GLIS3: variants seen among roughly 807,000 people sequenced by gnomAD.
GLIS3 encodes zinc finger protein GLIS3.
GLIS3 carries 53 observed loss-of-function variants against 78.6 expected under a neutral mutation model. The observed-to-expected ratio is 0.67, with a 90% CI of 0.54 to 0.85. The LOEUF (loss-of-function observed/expected upper bound fraction) is 0.85, where lower values mean the gene tolerates loss of function less well. Among genes scored for constraint, GLIS3 ranks in the 40% least tolerant of loss-of-function variants. GLIS3 has a pLI of 0.00. For synonymous variants in GLIS3, 684 were observed against 509.9 expected, an observed-to-expected ratio of 1.34 and a Z score of -4.60; for missense variants, 1,703 against 1,231.1, an observed-to-expected ratio of 1.38 and a Z score of -5.74.
At chr9:4,480,510 A>G in the GLIS3 span, among the ~76,000 whole-genome samples, 6 of 152,064 alleles carry the variant, frequency 3.9e-5, no homozygotes, top group Non-Finnish European at 8.8e-5. Flanking sequence ...CAAGCTTTAG[A>G]TATTCTAATG....
At chr9:4,089,760 G>A (rs1267856017) in intron 4 of GLIS3, among the ~76,000 whole-genome samples, 3 of 152,052 alleles carry the variant, frequency 2.0e-5, no homozygotes, top group Non-Finnish European at 2.9e-5. Flanking sequence ...TTGAGGCTAT[G>A]GTGAGCTACG....
intron 4 of GLIS3, among the ~76,000 whole-genome samples, chr9:4,085,824 T>C (rs1281439416): frequency 2.0e-5 from 3 of 152,176 alleles, no homozygotes; most frequent in Non-Finnish European, 4.4e-5. Flanking sequence ...TGTCGCCTGC[T>C]TCCCCTTCCG....
At chr9:4,039,111 C>T (rs980113323) in intron 4 of GLIS3, among the ~76,000 whole-genome samples, 5 of 152,150 alleles carry the variant, frequency 3.3e-5, no homozygotes, top group African/African-American at 1.2e-4. Flanking sequence ...TAATCCTGCC[C>T]TTTGGGAACA....
chr9:4,023,234 T>C (rs992235710), intron 4 of GLIS3, among the ~76,000 whole-genome samples: 3 of 152,208 alleles, frequency 2.0e-5, no homozygotes, highest in African/African-American at 2.4e-5. Context: ...ATTATCTGTT[T>C]TAGATTCTAA....
intron 8 of GLIS3, among the ~76,000 whole-genome samples, chr9:3,860,271 T>TAAAAAAAAAAAAAAAAAAAAAAAAAA (rs1820103435): frequency 6.6e-5 from 1 of 15,170 alleles, no homozygotes; most frequent in Non-Finnish European, 1.0e-4. Context: ...CAAGACTCTG[T>TAAAAAAAAAAAAAAAAAAAAAAAAAA]CAAAAAAAAA....
At chr9:4,295,711 T>C (rs1816419933) in intron 1 of GLIS3, among the ~76,000 whole-genome samples, 1 of 152,202 alleles carries the variant, frequency 6.6e-6, no homozygotes, top group African/African-American at 2.4e-5. Flanking sequence ...TGTGGGTGTG[T>C]TCCACTTGCA....
the GLIS3 span, among the ~76,000 whole-genome samples, chr9:4,433,049 T>G: frequency 1.1e-4 from 17 of 152,312 alleles, 1 homozygote; most frequent in South Asian, 3.5e-3. Flanking sequence ...CTTACCTATC[T>G]GCAAAGGAGA....
intron 2 of GLIS3, among the ~76,000 whole-genome samples, chr9:4,324,760 T>C (rs1210906491): frequency 6.6e-6 from 1 of 152,236 alleles, no homozygotes; most frequent in Non-Finnish European, 1.5e-5. Context: ...ATTTGCTTTG[T>C]ACCATTTTCT....
intron 2 of GLIS3, among the ~76,000 whole-genome samples, chr9:4,149,806 G>A (rs891939760): frequency 2.6e-5 from 4 of 152,142 alleles, no homozygotes; most frequent in African/African-American, 7.2e-5. Context: ...ATAATGTCTG[G>A]TAAAATAAGG....
At chr9:4,269,905 C>T (rs564201399) in intron 2 of GLIS3, among the ~76,000 whole-genome samples, 2 of 149,534 alleles carry the variant, frequency 1.3e-5, no homozygotes, top group Admixed American at 6.6e-5. Flanking sequence ...CAAGCCCAAA[C>T]AGAGTACCTA....
the GLIS3 span, among the ~76,000 whole-genome samples, chr9:4,364,265 T>C: frequency 6.6e-6 from 1 of 152,202 alleles, no homozygotes; most frequent in Non-Finnish European, 1.5e-5. Flanking sequence ...AGACCTTTGG[T>C]CATCTCTTTG....
chr9:4,052,555 T>G (rs551465430), intron 4 of GLIS3, among the ~76,000 whole-genome samples: 1 of 152,342 alleles, frequency 6.6e-6, no homozygotes, highest in African/African-American at 2.4e-5. Context: ...ATTTACCTCT[T>G]CTGGACATGT....
chr9:4,476,867 G>A, the GLIS3 span, among the ~76,000 whole-genome samples: 91 of 152,212 alleles, frequency 6.0e-4, no homozygotes, highest in Admixed American at 1.5e-3. Flanking sequence ...ATCTCTGTTA[G>A]AATAGCTGTT....
chr9:4,287,224 C>T (rs192607609), intron 1 of GLIS3, among the ~76,000 whole-genome samples: 15 of 152,284 alleles, frequency 9.9e-5, no homozygotes, highest in Admixed American at 2.0e-4. Context: ...AAGAGAAGGG[C>T]TGTGCAAAAC....
chr9:4,269,148 G>A (rs1826277785), intron 2 of GLIS3, among the ~76,000 whole-genome samples: 1 of 152,140 alleles, frequency 6.6e-6, no homozygotes, highest in South Asian at 2.1e-4. Context: ...TCCTTCATGT[G>A]AAACATGTTA....
intron 4 of GLIS3, among the ~76,000 whole-genome samples, chr9:4,096,085 A>G (rs747208719): frequency 4.6e-5 from 7 of 152,138 alleles, no homozygotes; most frequent in Non-Finnish European, 7.4e-5. Flanking sequence ...GAAGAGAGAT[A>G]TATTTTTAAA....
At chr9:4,452,768 C>T in the GLIS3 span, among the ~76,000 whole-genome samples, 1,021 of 152,274 alleles carry the variant, frequency 6.7e-3, 9 homozygotes, top group Non-Finnish European at 9.4e-3. Flanking sequence ...AGATTCAATG[C>T]TATCCCCATC....
intron 2 of GLIS3, among the ~76,000 whole-genome samples, chr9:4,188,257 T>A (rs1253288297): frequency 1.3e-5 from 2 of 151,548 alleles, no homozygotes; most frequent in Non-Finnish European, 2.9e-5. Context: ...GAGATAATCA[T>A]GTGGTTTTTG....
chr9:4,097,477 C>G (rs1830048723), intron 4 of GLIS3, among the ~76,000 whole-genome samples: 1 of 152,008 alleles, frequency 6.6e-6, no homozygotes, highest in Non-Finnish European at 1.5e-5. Flanking sequence ...GCACACCCTT[C>G]AGTGAGAAGG....
Sources: allele counts gnomAD v4.1 joint callset (sites outside exome capture counted in the v4.1 genomes callset), GRCh38; gene constraint gnomAD v4.1.1; transcripts MANE v1.5; gene names NCBI Gene and HGNC (gene_info 2026-07-23, HGNC 2026-07-21).